The following STXBP5L variants were observed in gnomAD, a reference collection of about 807,000 sequenced individuals.
STXBP5L encodes the protein syntaxin-binding protein 5-like.
A neutral mutation model predicts 144.5 loss-of-function variants in STXBP5L; 65 were observed. That is an observed-to-expected ratio of 0.45 (90% CI 0.37 to 0.55). The LOEUF is 0.55. STXBP5L is among the 20% of genes least tolerant of loss of function. STXBP5L has a pLI of 0.00. For missense variants in STXBP5L, 1,298 were observed against 1,405.5 expected (o/e 0.92, Z 1.22); for synonymous variants, 505 against 469.6 (o/e 1.08, Z -0.97).
At chr3:121,096,875 G>A (rs1168968631) in intron 5 of STXBP5L, among the ~76,000 whole-genome samples, 1 of 152,154 alleles carries the variant, frequency 6.6e-6, no homozygotes, top group Non-Finnish European at 1.5e-5. Flanking sequence ...CAAACACTCT[G>A]CTGGGAGTCC....
intron 9 of STXBP5L, among the ~76,000 whole-genome samples, chr3:121,205,267 G>A (rs765873189): frequency 9.8e-5 from 15 of 152,288 alleles, no homozygotes; most frequent in South Asian, 6.2e-4. Context: ...AGATTGAGGG[G>A]CAACATCTGA....
At position 121,109,500 on chromosome 3, in the gene STXBP5L, A is replaced by C. The variant is rs568624121; in HGVS notation, c.471-5425A>C. Among the ~76,000 whole-genome samples, 3 of 152,302 alleles carry C rather than the reference A, an allele frequency of 2.0e-5. No homozygotes were observed. In the East Asian group the frequency reaches 5.8e-4, roughly 29 times the overall value. ...CATTACCCAGGAGTCATTCAGGAGCATGTCGTTGCATTTCCAGTTAGTTGT... is the reference window on the plus strand; with the variant it reads ...CATTACCCAGGAGTCATTCAGGAGCCTGTCGTTGCATTTCCAGTTAGTTGT... On this transcript the variant is annotated intron_variant, in intron 5 of 26. Coordinates refer to ENST00000471454, the MANE Select transcript of STXBP5L (RefSeq NM_001308330.2).
At position 121,150,233 on chromosome 3, in the gene STXBP5L, A is replaced by G. The variant is rs73855343; in HGVS notation, c.670-2244A>G. Among the ~76,000 whole-genome samples the G allele has an allele frequency of 7.8e-3, 1,194 of 152,226 alleles. 13 individuals carry two copies. Among genetic ancestry groups the G allele is most frequent in the African/African-American group, 0.028 (1,151 of 41,548 alleles). The stretch of plus-strand genomic sequence containing the variant: ...GTAGGTTCTAATGATATCATGGTGA[A>G]GAAGTAACCCTACTTCTTTGCCTTT... On this transcript the variant is annotated intron_variant, in intron 7 of 26. Coordinates refer to ENST00000471454, the MANE Select transcript of STXBP5L (RefSeq NM_001308330.2).
At chr3:121,341,130 C>A (rs1031314262) in intron 20 of STXBP5L, among the ~76,000 whole-genome samples, 1 of 152,040 alleles carries the variant, frequency 6.6e-6, no homozygotes, top group Admixed American at 6.6e-5. Context: ...AATTAATAAC[C>A]AGAATATATA....
At chr3:121,362,692 C>T (rs2045746874) in intron 20 of STXBP5L, among the ~76,000 whole-genome samples, 1 of 152,092 alleles carries the variant, frequency 6.6e-6, no homozygotes, top group African/African-American at 2.4e-5. Flanking sequence ...GTCCTGGAAT[C>T]AGGGACCCCA....
At chr3:121,368,358 T>C (rs1408842031) in intron 20 of STXBP5L, among the ~76,000 whole-genome samples, 1 of 152,134 alleles carries the variant, frequency 6.6e-6, no homozygotes, top group Non-Finnish European at 1.5e-5. Context: ...TACTGATATT[T>C]ATATTTTGTT....
At chr3:121,377,539 C>T (rs1485801608) in intron 20 of STXBP5L, among the ~76,000 whole-genome samples, 1 of 152,086 alleles carries the variant, frequency 6.6e-6, no homozygotes, top group East Asian at 1.9e-4. Context: ...ACAGACACTT[C>T]TCAAAAGAAG....
At chr3:121,352,621 T>A (rs1336830494) in intron 20 of STXBP5L, among the ~76,000 whole-genome samples, 2 of 152,118 alleles carry the variant, frequency 1.3e-5, no homozygotes, top group Non-Finnish European at 2.9e-5. Flanking sequence ...AATCATGTCA[T>A]CTGCAAACAG....
At chr3:121,012,350 T>C (rs543715290) in intron 3 of STXBP5L, among the ~76,000 whole-genome samples, 2 of 152,002 alleles carry the variant, frequency 1.3e-5, no homozygotes, top group South Asian at 4.1e-4. Context: ...TGCTGCATCA[T>C]GTGGTAACTC....
intron 9 of STXBP5L, among the ~76,000 whole-genome samples, chr3:121,182,974 G>A (rs1252166173): frequency 6.6e-6 from 1 of 152,188 alleles, no homozygotes; most frequent in Non-Finnish European, 1.5e-5. Flanking sequence ...AATCAAGTGA[G>A]TTTCATACCA....
At chr3:121,054,313 T>A (rs1948278632) in intron 5 of STXBP5L, among the ~76,000 whole-genome samples, 1 of 152,132 alleles carries the variant, frequency 6.6e-6, no homozygotes, top group Admixed American at 6.6e-5. Flanking sequence ...GTGGCACTAT[T>A]CACAATAGCA....
intron 9 of STXBP5L, among the ~76,000 whole-genome samples, chr3:121,164,036 TTTTAATCG>T (rs1385496272): frequency 1.3e-5 from 2 of 152,172 alleles, no homozygotes; most frequent in Non-Finnish European, 2.9e-5. Context: ...AACACAATTC[TTTTAATCG>T]TTTAATAAAT....
chr3:121,114,599 G>A (rs183765861), intron 5 of STXBP5L, among the ~76,000 whole-genome samples: 37 of 152,130 alleles, frequency 2.4e-4, no homozygotes, highest in African/African-American at 8.9e-4. Flanking sequence ...GCTTATTAGC[G>A]GTCTTAGGCA....
intron 20 of STXBP5L, among the ~76,000 whole-genome samples, chr3:121,328,899 T>C (rs564130331): frequency 6.6e-6 from 1 of 152,266 alleles, no homozygotes; most frequent in East Asian, 1.9e-4. Flanking sequence ...TCCTTGTAAC[T>C]ACCACCTTCT....
chr3:121,203,847 T>C (rs1385855783), intron 9 of STXBP5L, among the ~76,000 whole-genome samples: 3 of 151,972 alleles, frequency 2.0e-5, no homozygotes, highest in African/African-American at 7.2e-5. Flanking sequence ...CTAAGGGGAG[T>C]GGATCTCTCC....
chr3:121,128,117 A>G (rs556856254), intron 7 of STXBP5L, among the ~76,000 whole-genome samples: 2 of 152,244 alleles, frequency 1.3e-5, no homozygotes, highest in African/African-American at 2.4e-5. Flanking sequence ...CCATTCACCA[A>G]TGAAATGTGT....
intron 19 of STXBP5L, among the ~76,000 whole-genome samples, chr3:121,311,171 G>T (rs566666457): frequency 6.6e-6 from 1 of 152,108 alleles, no homozygotes; most frequent in Non-Finnish European, 1.5e-5. Flanking sequence ...ATCATAATAA[G>T]ATACTACTAT....
intron 3 of STXBP5L, among the ~76,000 whole-genome samples, chr3:120,991,912 G>A (rs1559965578): frequency 6.6e-6 from 1 of 152,108 alleles, no homozygotes; most frequent in Non-Finnish European, 1.5e-5. Flanking sequence ...GTATACATAT[G>A]TAACTAACAT....
chr3:121,381,428 G>C lies in STXBP5L; in HGVS notation c.2483G>C (p.Cys828Ser), dbSNP rs1461350100. Residue 828 changes from cysteine to serine, a missense_variant, in exon 22 of 27, where the codon TGT becomes TCT. Physicochemically the swap from Cys to Ser is moderately radical, Grantham distance 112. Coordinates refer to ENST00000471454, the MANE Select transcript of STXBP5L (RefSeq NM_001308330.2). Reference protein sequence around the residue: ...ARKNDSTISPCLFVGTSLGMV... With the variant: ...ARKNDSTISPSLFVGTSLGMV... ...AAAAATGACTCTACCATCTCTCCTTGTCTGTTCGTTGGAACCAGTCTGGGA... is the reference window on the plus strand; with the variant it reads ...AAAAATGACTCTACCATCTCTCCTTCTCTGTTCGTTGGAACCAGTCTGGGA... The C allele has an allele frequency of 1.0e-5, 16 of 1,607,884 alleles. No individual in the cohort carries two copies. Among genetic ancestry groups the C allele is most frequent in the African/African-American group, 6.7e-5 (5 of 74,344 alleles).
Sources: gnomAD v4.1 joint callset for allele counts (sites outside exome capture counted in the v4.1 genomes callset) on GRCh38, gnomAD v4.1.1 for gene constraint, MANE v1.5 for transcripts, NCBI Gene and HGNC (gene_info 2026-07-23, HGNC 2026-07-21) for gene names.